Variants in HSPA2 observed in about 807,000 individuals in gnomAD.
HSPA2 encodes the protein heat shock-related 70 kDa protein 2.
In HSPA2, 13 loss-of-function variants were observed where a neutral mutation model predicts 35.0. The observed-to-expected ratio is 0.37, with a 90% confidence interval of 0.24 to 0.59. HSPA2 has a LOEUF of 0.59. HSPA2 is among the 20% of genes least tolerant of loss of function. The pLI is 0.70. For synonymous variants in HSPA2, 368 were observed against 382.1 expected (o/e 0.96, Z 0.43); for missense variants, 565 against 885.4 (o/e 0.64, Z 4.59).
chr14:64,538,324 C>T (rs2079995058), upstream of HSPA2, among the ~76,000 whole-genome samples: 1 of 152,222 alleles, frequency 6.6e-6, no homozygotes, highest in South Asian at 2.1e-4. Flanking sequence ...CACTAGCCTG[C>T]TTTAAAGGAC....
rs939507950 is a variant in HSPA2 at position 64,543,064 on chromosome 14, A to G, written c.*295A>G. The G allele has an allele frequency of 9.9e-5, 48 of 486,460 alleles. No homozygotes were observed. The highest frequency in any genetic ancestry group is 8.9e-4 in the African/African-American group (45 of 50,394). 30.1% of individuals were successfully genotyped at this position (486,460 alleles called of 1,614,324 possible). On this transcript the variant is annotated 3_prime_UTR_variant, in exon 1 of 1. Coordinates refer to ENST00000247207, the MANE Select transcript of HSPA2 (RefSeq NM_021979.4). ...TTGAGATGAGAAACCTTAAGTTTGC[A>G]CACCTGTTCTGTAGAAGCTTGGAAA...
Position 64,541,038 on chromosome 14 carries a change from C to T in HSPA2, c.189C>T (p.Asn63=), listed in dbSNP as rs760461798. 1 of 1,614,204 alleles carries T rather than the reference C, an allele frequency of 6.2e-7. No homozygotes were observed. Among genetic ancestry groups the T allele is most frequent in the Non-Finnish European group, 8.5e-7 (1 of 1,180,050 alleles). ...CCGCCAAGAACCAGGTGGCCATGAA[C>T]CCCACCAACACCATCTTCGACGCCA... is the stretch of plus-strand genomic sequence containing the variant. ...GDAAKNQVAM[N]PTNTIFDAKR... Residue 63 remains asparagine (N), a synonymous_variant, in exon 1 of 1, where the codon AAC becomes AAT. Coordinates refer to ENST00000247207, the MANE Select transcript of HSPA2 (RefSeq NM_021979.4).
At position 64,541,785 on chromosome 14, in the gene HSPA2, C is replaced by T. The variant is rs779036477; in HGVS notation, c.936C>T (p.Leu312=). The change falls in exon 1 of 1, where the codon CTC becomes CTT. Residue 312 remains leucine (L), a synonymous_variant. Transcript: ENST00000247207. ...RARFEELNAD[L]FRGTLEPVEK... Reference sequence around the variant, plus strand: ...GCTTCGAGGAGCTCAATGCCGACCTCTTTCGCGGGACCCTGGAGCCGGTGG... The same window carrying T: ...GCTTCGAGGAGCTCAATGCCGACCTTTTTCGCGGGACCCTGGAGCCGGTGG... 8 of 1,613,284 alleles carry T rather than the reference C, an allele frequency of 5.0e-6. No homozygotes were observed. The South Asian group carries it at 6.6e-5, about 13-fold the overall frequency.
At position 64,541,512 on chromosome 14, in the gene HSPA2, G is replaced by C; in HGVS notation, c.663G>C (p.Glu221Asp). 4 of 1,609,074 alleles carry C rather than the reference G, an allele frequency of 2.5e-6. No individual in the cohort carries two copies. The highest frequency in any genetic ancestry group is 3.4e-6 in the Non-Finnish European group (4 of 1,176,098). The stretch of plus-strand genomic sequence containing the variant: ...TGACCATCGAGGATGGCATCTTCGA[G>C]GTGAAGTCCACGGCCGGCGACACCC... Reference protein sequence around the residue: ...SILTIEDGIFEVKSTAGDTHL... With the variant: ...SILTIEDGIFDVKSTAGDTHL... Residue 221 changes from glutamate to aspartate, a missense_variant, in exon 1 of 1, where the codon GAG (glutamate) becomes GAC (aspartate). Physicochemically the swap from Glu to Asp is conservative, Grantham distance 45. Around this residue, in one of 4 missense-constraint regions of HSPA2, gnomAD observed 234 missense variants for 419.0 expected, o/e 0.56. Coordinates refer to ENST00000247207, the MANE Select transcript of HSPA2 (RefSeq NM_021979.4).
At chr14:64,537,578 C>CA (rs1343686229), upstream of HSPA2, among the ~76,000 whole-genome samples, 17 of 147,988 alleles carry the variant, frequency 1.1e-4, no homozygotes, top group African/African-American at 1.0e-4. Context: ...GACTCTGTCT[C>CA]AAAAAAAACC....
upstream of HSPA2, among the ~76,000 whole-genome samples, chr14:64,539,594 G>A (rs1330342918): frequency 6.6e-6 from 1 of 152,228 alleles, no homozygotes; most frequent in East Asian, 1.9e-4. Context: ...ACCCCTGTCT[G>A]CCGTCCCGCC....
rs17101919 is a variant in HSPA2 at position 64,540,829 on chromosome 14, G to T, written c.-21G>T. On this transcript the variant is annotated 5_prime_UTR_variant, in exon 1 of 1. Coordinates refer to ENST00000247207, the MANE Select transcript of HSPA2 (RefSeq NM_021979.4). Reference sequence around the variant, plus strand: ...ATCTCCCTGGTTTTCCCGTCCTAACGTCGCTCGCCTTTCAGTCAGGATGTC... The same window carrying T: ...ATCTCCCTGGTTTTCCCGTCCTAACTTCGCTCGCCTTTCAGTCAGGATGTC... 0.024 allele frequency: 38,794 copies of T among 1,612,614 alleles called. 555 individuals carry two copies. Among genetic ancestry groups the T allele is most frequent in the Middle Eastern group, 0.039 (233 of 6,040 alleles).
At chr14:64,540,688 T>C, upstream of HSPA2, 1 of 1,116,608 alleles carries the variant, frequency 9.0e-7, no homozygotes, top group Non-Finnish European at 1.2e-6. Flanking sequence ...GCGGATTGGG[T>C]CTGGGAGTTC....
Position 64,541,835 on chromosome 14 carries a change from T to G in HSPA2, c.986T>G (p.Leu329Arg). ...GAGAAGGCGCTGCGCGACGCCAAGC[T>G]GGACAAGGGCCAGATCCAGGAGATC... ...PVEKALRDAK[L>R]DKGQIQEIVL... Residue 329 changes from leucine to arginine, a missense_variant, in exon 1 of 1, where the codon CTG (leucine) becomes CGG (arginine). Physicochemically the swap from Leu to Arg is moderately radical, Grantham distance 102 (BLOSUM62 -2). This residue lies in a region of HSPA2 where 234 missense variants were observed against 419.0 expected (regional missense o/e 0.56). Transcript: ENST00000247207. 1 of 1,613,628 alleles carries G rather than the reference T, an allele frequency of 6.2e-7. No homozygotes were observed. The highest frequency in any genetic ancestry group is 8.5e-7 in the Non-Finnish European group (1 of 1,180,030).
chr14:64,542,272 C>T lies in HSPA2; in HGVS notation c.1423C>T (p.Pro475Ser). The T allele has an allele frequency of 6.2e-7, 1 of 1,614,026 alleles. No homozygotes were observed. Among genetic ancestry groups the T allele is most frequent in the Non-Finnish European group, 8.5e-7 (1 of 1,180,030 alleles). ...GATTCCCCCTGCGCCTCGCGGGGTCCCCCAAATCGAGGTTACCTTCGACAT... is the reference window on the plus strand; with the variant it reads ...GATTCCCCCTGCGCCTCGCGGGGTCTCCCAAATCGAGGTTACCTTCGACAT... Reference protein sequence around the residue: ...TGIPPAPRGVPQIEVTFDIDA... With the variant: ...TGIPPAPRGVSQIEVTFDIDA... The change falls in exon 1 of 1, where the codon CCC (proline) becomes TCC (serine). Residue 475 changes from proline to serine, a missense_variant. By Grantham distance (74) the Pro-to-Ser change is moderately conservative. Transcript: ENST00000247207. This position sits in a 1 kb window ranked among gnomAD's most constrained non-coding sequence, Gnocchi z 5.7.
chr14:64,541,815 G>A lies in HSPA2; in HGVS notation c.966G>A (p.Lys322=), dbSNP rs1203361433. The change falls in exon 1 of 1, where the codon AAG becomes AAA. Residue 322 remains lysine, a synonymous_variant. Transcript: ENST00000247207. The stretch of plus-strand genomic sequence containing the variant: ...GCGGGACCCTGGAGCCGGTGGAGAA[G>A]GCGCTGCGCGACGCCAAGCTGGACA... The part of the protein sequence containing the change: ...LFRGTLEPVE[K]ALRDAKLDKG... 2 of 1,613,484 alleles carry A rather than the reference G, an allele frequency of 1.2e-6. No individual in the cohort carries two copies. Among genetic ancestry groups the A allele is most frequent in the African/African-American group, 1.3e-5 (1 of 74,930 alleles).
In HSPA2 at chr14:64,543,232, C is replaced by T. The variant is rs1412511281; in HGVS notation, c.*463C>T. ...AATGTAAAGTAAAGCTGAAATTGAT[C>T]TCAAAGTTACTGTCTTGGAGTTTTC... On this transcript the variant is annotated 3_prime_UTR_variant, in exon 1 of 1. Transcript: ENST00000247207. 1 of 183,726 alleles carries T rather than the reference C, an allele frequency of 5.4e-6. No individual in the cohort carries two copies. The highest frequency in any genetic ancestry group is 1.3e-5 in the Non-Finnish European group (1 of 77,842). 11.4% of individuals were successfully genotyped at this position (183,726 alleles called of 1,614,324 possible). A position where few individuals can be genotyped will look rare whatever the true frequency, so the allele number is the denominator to read the frequency against.
upstream of HSPA2, among the ~76,000 whole-genome samples, chr14:64,538,560 G>A (rs1009543363): frequency 1.3e-5 from 2 of 152,152 alleles, no homozygotes; most frequent in Non-Finnish European, 2.9e-5. Flanking sequence ...TTCAGCTCCC[G>A]GATTAGGCAT....
chr14:64,541,747 A>G lies in HSPA2; in HGVS notation c.898A>G (p.Ile300Val). 6.2e-7 allele frequency: 1 copy of G among 1,612,426 alleles called. No individual in the cohort carries two copies. Among genetic ancestry groups the G allele is most frequent in the Non-Finnish European group, 8.5e-7 (1 of 1,179,682 alleles). ...LYEGVDFYTS[I>V]TRARFEELNA... ...CGAGGGCGTGGACTTCTATACGTCC[A>G]TCACGCGCGCCCGCTTCGAGGAGCT... The change falls in exon 1 of 1, where the codon ATC becomes GTC. Residue 300 changes from isoleucine (I) to valine (V), a missense_variant. Ile to Val is a conservative substitution (Grantham distance 29). Coordinates refer to ENST00000247207, the MANE Select transcript of HSPA2 (RefSeq NM_021979.4).
chr14:64,543,014 G>T lies in HSPA2; in HGVS notation c.*245G>T, dbSNP rs538985373. 10 of 627,664 alleles carry T rather than the reference G, an allele frequency of 1.6e-5. No homozygotes were observed. Among genetic ancestry groups the T allele is most frequent in the Middle Eastern group, 4.5e-4 (1 of 2,206 alleles). 38.9% of individuals were successfully genotyped at this position (627,664 alleles called of 1,614,324 possible). A position where few individuals can be genotyped will look rare whatever the true frequency, so the allele number is the denominator to read the frequency against. ...CGTGTTTGCTGACTTGAGCATTTTT[G>T]ATTAGTTCGTGCATGGAGATTTGTT... is the stretch of plus-strand genomic sequence containing the variant. On this transcript the variant is annotated 3_prime_UTR_variant, in exon 1 of 1. Transcript: ENST00000247207.
Position 64,542,573 on chromosome 14 carries a change from A to T in HSPA2, c.1724A>T (p.Asp575Val). ...ISEQDKNKIL[D>V]KCQEVINWLD... ...GAGCAGGACAAAAACAAGATCCTCG[A>T]CAAGTGTCAGGAGGTGATCAACTGG... is the stretch of plus-strand genomic sequence containing the variant. The change falls in exon 1 of 1, where the codon GAC (aspartate) becomes GTC (valine). Residue 575 changes from aspartate (D) to valine (V), a missense_variant. Physicochemically the swap from Asp to Val is radical, Grantham distance 152. This residue lies in a region of HSPA2 where 147 missense variants were observed against 166.7 expected (regional missense o/e 0.88). Coordinates refer to ENST00000247207, the MANE Select transcript of HSPA2 (RefSeq NM_021979.4). This position sits in a 1 kb window ranked among gnomAD's most constrained non-coding sequence, Gnocchi z 5.7. 1 of 1,613,770 alleles carries T rather than the reference A, an allele frequency of 6.2e-7. No individual in the cohort carries two copies. Among genetic ancestry groups the T allele is most frequent in the Non-Finnish European group, 8.5e-7 (1 of 1,179,916 alleles).
At chr14:64,540,560 G>A (rs2080019001), upstream of HSPA2, 2 of 469,674 alleles carry the variant, frequency 4.3e-6, no homozygotes, top group Admixed American at 3.8e-5. Flanking sequence ...CTGTCTCCTG[G>A]CGGGGGCCGG....
rs1566642974 is a variant in HSPA2 at position 64,541,660 on chromosome 14, G to A, written c.811G>A (p.Glu271Lys). The A allele has an allele frequency of 6.2e-7, 1 of 1,611,596 alleles. No homozygotes were observed. The change falls in exon 1 of 1, where the codon GAG becomes AAG. Residue 271 changes from glutamate (E) to lysine (K), a missense_variant. Coordinates refer to ENST00000247207, the MANE Select transcript of HSPA2 (RefSeq NM_021979.4). ...RAVRRLRTAC[E>K]RAKRTLSSST... ...CGTGAGGCGGCTGCGCACCGCTTGCGAGCGCGCCAAGCGCACCCTGAGCTC... is the reference window on the plus strand; with the variant it reads ...CGTGAGGCGGCTGCGCACCGCTTGCAAGCGCGCCAAGCGCACCCTGAGCTC...
upstream of HSPA2, among the ~76,000 whole-genome samples, chr14:64,538,591 C>G (rs2079997580): frequency 6.6e-6 from 1 of 152,246 alleles, no homozygotes; most frequent in Non-Finnish European, 1.5e-5. Context: ...CCAGGTAGCT[C>G]TCAGCAACGC....
Sources: allele counts gnomAD v4.1 joint callset (sites outside exome capture counted in the v4.1 genomes callset), GRCh38; gene constraint gnomAD v4.1.1; regional missense constraint gnomAD v4.1.1; non-coding constraint Gnocchi (gnomAD v3.1); transcripts MANE v1.5; gene names NCBI Gene and HGNC (gene_info 2026-07-23, HGNC 2026-07-21).